Variants in SIK3 observed in about 807,000 individuals in gnomAD.
SIK3 encodes the protein SIK family kinase 3, also known as serine/threonine-protein kinase SIK3.
SIK3 carries 28 observed loss-of-function variants against 144.2 expected under a neutral mutation model. The observed-to-expected ratio is 0.19, with a 90% CI of 0.14 to 0.27. The LOEUF (loss-of-function observed/expected upper bound fraction) is 0.27. Ranked by LOEUF, SIK3 falls within the 10% of genes least tolerant of loss-of-function variation. The pLI, the probability that SIK3 is intolerant of heterozygous loss-of-function variation, is 1.00. For missense variants in SIK3, 1,319 were observed against 1,776.0 expected (o/e 0.74, Z 4.62); for synonymous variants, 686 against 676.3 (o/e 1.01, Z -0.22).
chr11:117,052,882 G>A lies in SIK3; in HGVS notation c.273+45261C>T, dbSNP rs552859688. Among the ~76,000 whole-genome samples the A allele has an allele frequency of 4.6e-5, 7 of 152,324 alleles. No homozygotes were observed. In the South Asian group the frequency reaches 1.0e-3, roughly 23 times the overall value. ...CAATACTTTCCAGATGCATGCTGCT[G>A]ACTGCTGCAATGCAGGAGGACCTGG... On this transcript the variant is annotated intron_variant, in intron 1 of 24. Coordinates refer to ENST00000445177, the MANE Select transcript of SIK3 (RefSeq NM_001366686.3).
At position 116,846,126 on chromosome 11, in the gene SIK3, C is replaced by T. The variant is rs928737248; in HGVS notation, c.*13+257G>A. Among the ~76,000 whole-genome samples the T allele has an allele frequency of 2.0e-5, 3 of 152,196 alleles. No homozygotes were observed. The highest frequency in any genetic ancestry group is 4.8e-5 in the African/African-American group (2 of 41,452). On this transcript the variant is annotated intron_variant, in intron 24 of 24. Transcript: ENST00000445177. The surrounding 1 kb of genome is among the most constrained non-coding windows in gnomAD (Gnocchi z 4.1). Reference sequence around the variant, plus strand: ...AGGCTAGAGCACCTGTAACACACGGCGAGTCTTGTGTCTTATTCCCATAAC... The same window carrying T: ...AGGCTAGAGCACCTGTAACACACGGTGAGTCTTGTGTCTTATTCCCATAAC...
chr11:116,903,773 T>G (rs58388204), intron 4 of SIK3, among the ~76,000 whole-genome samples: 1,995 of 152,104 alleles, frequency 0.013, 55 homozygotes, highest in African/African-American at 0.045. Context: ...TTTGTAGTGA[T>G]GGGGGTCTTG....
intron 4 of SIK3, among the ~76,000 whole-genome samples, chr11:116,925,045 C>A (rs1947200510): frequency 6.6e-6 from 1 of 152,022 alleles, no homozygotes; most frequent in South Asian, 2.1e-4. Flanking sequence ...CTTTGGGAGG[C>A]CAAGGTGGGT....
intron 1 of SIK3, among the ~76,000 whole-genome samples, chr11:117,082,444 TAAA>T (rs1174863679): frequency 1.3e-5 from 2 of 152,080 alleles, no homozygotes; most frequent in Non-Finnish European, 2.9e-5. Context: ...TATTCAGCCA[TAAA>T]AAAATAATGA....
chr11:117,067,914 G>A (rs192967283), intron 1 of SIK3, among the ~76,000 whole-genome samples: 6 of 152,206 alleles, frequency 3.9e-5, no homozygotes, highest in Non-Finnish European at 4.4e-5. Context: ...AACCCGGGAG[G>A]CGGAGGCTGC....
intron 2 of SIK3, among the ~76,000 whole-genome samples, 183 bp downstream of exon 2, chr11:116,956,765 G>C (rs971076068): frequency 1.3e-5 from 2 of 152,140 alleles, no homozygotes; most frequent in Admixed American, 6.5e-5. Flanking sequence ...CTAGTAAATG[G>C]CCAGGGGAAA....
chr11:116,924,169 C>T (rs1256093726), intron 4 of SIK3, among the ~76,000 whole-genome samples: 1 of 151,848 alleles, frequency 6.6e-6, no homozygotes, highest in East Asian at 1.9e-4. Context: ...TGGCGCATGC[C>T]TGTAATCCCA....
chr11:116,927,472 G>C (rs544964741), intron 3 of SIK3, 92 bp from the exon 4 acceptor site: 1 of 1,274,088 alleles, frequency 7.8e-7, no homozygotes, highest in African/African-American at 1.5e-5. Context: ...GGGCCCTCTC[G>C]AGTGAGTTAA....
At chr11:116,927,636 G>C (rs1162328902) in intron 3 of SIK3, among the ~76,000 whole-genome samples, 1 of 152,202 alleles carries the variant, frequency 6.6e-6, no homozygotes, top group Non-Finnish European at 1.5e-5. Context: ...ATTAGGAAAA[G>C]AGAGTTCTGG....
intron 1 of SIK3, among the ~76,000 whole-genome samples, chr11:117,062,520 A>G (rs1953841131): frequency 6.6e-6 from 1 of 152,236 alleles, no homozygotes; most frequent in South Asian, 2.1e-4. Flanking sequence ...CCCAAAATGG[A>G]ACCCATAGGT....
At chr11:117,093,892 TGAGAAGC>T (rs1955356819) in intron 1 of SIK3, among the ~76,000 whole-genome samples, 2 of 151,568 alleles carry the variant, frequency 1.3e-5, no homozygotes, top group African/African-American at 4.8e-5. Flanking sequence ...GCCCAAGGGG[TGAGAAGC>T]AAAAAAAGGA....
chr11:117,069,957 C>A (rs969976478), intron 1 of SIK3, among the ~76,000 whole-genome samples: 2 of 152,204 alleles, frequency 1.3e-5, no homozygotes, highest in African/African-American at 4.8e-5. Context: ...TAAGTTATTA[C>A]ATTCTCCGCT....
rs377226998 is a variant in SIK3, at chr11:116,960,526, C to CA, written c.274-3463dup. Among the ~76,000 whole-genome samples, 173 of 151,872 alleles carry CA rather than the reference C, an allele frequency of 1.1e-3. 1 individual carries two copies. The highest frequency in any genetic ancestry group is 3.4e-3 in the Middle Eastern group (1 of 294). ...ACAGAATGAGACACTTTCTCCAAAA[C>CA]AAAAAAACAAAACAAAACAAAAAAA... On this transcript the variant is annotated intron_variant, in intron 1 of 24. Coordinates refer to ENST00000445177, the MANE Select transcript of SIK3 (RefSeq NM_001366686.3).
chr11:116,969,667 C>T (rs560904763), intron 1 of SIK3, among the ~76,000 whole-genome samples: 1 of 152,220 alleles, frequency 6.6e-6, no homozygotes, highest in Admixed American at 6.5e-5. Flanking sequence ...GAATAAGGAG[C>T]TCAGAGTGTA....
At chr11:116,960,370 A>T (rs994391329) in intron 1 of SIK3, among the ~76,000 whole-genome samples, 2 of 152,050 alleles carry the variant, frequency 1.3e-5, no homozygotes, top group African/African-American at 2.4e-5. Context: ...TACAAAAAAT[A>T]AAAAAATTAG....
Position 116,996,819 on chromosome 11 carries a change from C to CAA in SIK3, c.274-39757_274-39756dup, listed in dbSNP as rs11329513. On this transcript the variant is annotated intron_variant, in intron 1 of 24. Coordinates refer to ENST00000445177, the MANE Select transcript of SIK3 (RefSeq NM_001366686.3). ...TGGGCGCCAGAGGGAGACTCTCTCT[C>CAA]AAAAAAAAAAAAAAAAAAAAAAAAA... 7.9e-3 allele frequency among the ~76,000 whole-genome samples: 463 copies of CAA among 58,374 alleles called. 34 individuals are homozygous for CAA. The highest frequency in any genetic ancestry group is 0.025 in the East Asian group (40 of 1,572). 38.3% of individuals were successfully genotyped at this position (58,374 alleles called of 152,430 possible). A position where few individuals can be genotyped will look rare whatever the true frequency, so the allele number is the denominator to read the frequency against.
intron 1 of SIK3, among the ~76,000 whole-genome samples, chr11:116,971,110 T>C (rs955081039): frequency 1.3e-5 from 2 of 152,254 alleles, no homozygotes; most frequent in Non-Finnish European, 1.5e-5. Flanking sequence ...CAGAAAAGCC[T>C]TGGCATTTGC....
chr11:116,898,797 C>T (rs909844172), intron 4 of SIK3, among the ~76,000 whole-genome samples: 4 of 151,966 alleles, frequency 2.6e-5, no homozygotes, highest in East Asian at 1.9e-4. Flanking sequence ...CTGTTCATGT[C>T]CTTTGCCCAC....
chr11:116,992,263 T>G (rs1180980486), intron 1 of SIK3, among the ~76,000 whole-genome samples: 1 of 150,270 alleles, frequency 6.7e-6, no homozygotes, highest in African/African-American at 2.4e-5. Context: ...AGGTGGAGGC[T>G]GCAGTGAGCT....
Sources: allele counts gnomAD v4.1 joint callset (sites outside exome capture counted in the v4.1 genomes callset), GRCh38; gene constraint gnomAD v4.1.1; non-coding constraint Gnocchi (gnomAD v3.1); transcripts MANE v1.5; gene names NCBI Gene and HGNC (gene_info 2026-07-23, HGNC 2026-07-21).